Variants in MCC observed in about 807,000 individuals in gnomAD.
MCC encodes the protein MCC regulator of Wnt signaling pathway.
In MCC, 90 loss-of-function variants were observed where a neutral mutation model predicts 116.2. The ratio of observed to expected loss-of-function variants is 0.77; its 90% CI spans 0.65 to 0.92. The LOEUF is 0.92. MCC is among the 40% of genes least tolerant of loss of function. The pLI is 0.00. For missense variants in MCC, 1,516 were observed against 1,312.2 expected (o/e 1.16, Z -2.40); for synonymous variants, 578 against 510.5 (o/e 1.13, Z -1.78).
At chr5:113,407,053 T>TAATA (rs1769855925) in intron 1 of MCC, among the ~76,000 whole-genome samples, 1 of 152,208 alleles carries the variant, frequency 6.6e-6, no homozygotes, top group Non-Finnish European at 1.5e-5. Flanking sequence ...GAAGTGCTTA[T>TAATA]AATAAACTGC....
intron 1 of MCC, among the ~76,000 whole-genome samples, chr5:113,461,776 A>T (rs1300670890): frequency 6.7e-6 from 1 of 148,152 alleles, no homozygotes; most frequent in African/African-American, 2.5e-5. Flanking sequence ...AAATTCTGAC[A>T]GGTGTTTACA....
intron 3 of MCC, among the ~76,000 whole-genome samples, chr5:113,274,552 G>A (rs1765749550): frequency 6.6e-6 from 1 of 152,084 alleles, no homozygotes; most frequent in African/African-American, 2.4e-5. Context: ...GTGGAGATGG[G>A]GTTTCACCAT....
intron 14 of MCC, among the ~76,000 whole-genome samples, chr5:113,058,758 CCTCA>C (rs1380706333): frequency 6.6e-6 from 1 of 152,222 alleles, no homozygotes; most frequent in African/African-American, 2.4e-5. Flanking sequence ...AGGGTTCCTG[CCTCA>C]CTAAGTTGTG....
intron 1 of MCC, among the ~76,000 whole-genome samples, chr5:113,396,458 C>G (rs1769525787): frequency 6.8e-6 from 1 of 146,982 alleles, no homozygotes; most frequent in South Asian, 2.1e-4. Flanking sequence ...CGGTGAAACC[C>G]CATCTCTACT....
chr5:113,419,876 T>C (rs1404971850), intron 1 of MCC, among the ~76,000 whole-genome samples: 1 of 38,516 alleles, frequency 2.6e-5, no homozygotes, highest in African/African-American at 9.8e-5. Context: ...TGTTGTGGGG[T>C]GGGGGGAGGG....
At chr5:113,405,870 T>C (rs533693251) in intron 1 of MCC, among the ~76,000 whole-genome samples, 1 of 152,300 alleles carries the variant, frequency 6.6e-6, no homozygotes, top group Admixed American at 6.5e-5. Flanking sequence ...ATTAATATTA[T>C]TTCAAGTATT....
chr5:113,292,126 G>A (rs1766521171), intron 3 of MCC, among the ~76,000 whole-genome samples: 2 of 152,130 alleles, frequency 1.3e-5, no homozygotes, highest in Admixed American at 1.3e-4. Context: ...CAGCTACTCG[G>A]GAGACTGAGG....
At chr5:113,300,451 A>G (rs563021605) in intron 3 of MCC, among the ~76,000 whole-genome samples, 6 of 152,328 alleles carry the variant, frequency 3.9e-5, no homozygotes, top group Admixed American at 6.5e-5. Flanking sequence ...ACTAATTCAC[A>G]CACACGTGAA....
intron 2 of MCC, among the ~76,000 whole-genome samples, chr5:113,349,093 A>C (rs1009154589): frequency 6.6e-6 from 1 of 152,018 alleles, no homozygotes; most frequent in South Asian, 2.1e-4. Flanking sequence ...GCTGGGACCC[A>C]ATGGCTTCAC....
At chr5:113,404,300 CT>C (rs1406367730) in intron 1 of MCC, among the ~76,000 whole-genome samples, 1 of 152,194 alleles carries the variant, frequency 6.6e-6, no homozygotes, top group Non-Finnish European at 1.5e-5. Flanking sequence ...TTTCCCTCAT[CT>C]ATGAGGAAAC....
Position 113,027,369 on chromosome 5 carries a change from A to G in MCC, c.2993T>C (p.Leu998Pro). Residue 998 changes from leucine (L) to proline (P), a missense_variant, in exon 19 of 19, where the codon CTC (leucine) becomes CCC (proline). Transcript: ENST00000408903. ...CTCTAGCAGAGCTATTCTTTGCTTG[A>G]GCATCCTCACTTGGGTCTCATGTCT... ...VERHETQVRM[L>P]KQRIALLEEE... 2.5e-6 allele frequency: 4 copies of G among 1,614,160 alleles called. No individual in the cohort carries two copies. Among genetic ancestry groups the G allele is most frequent in the Non-Finnish European group, 3.4e-6 (4 of 1,180,040 alleles).
At chr5:113,468,791 G>A (rs1160000673) in intron 1 of MCC, among the ~76,000 whole-genome samples, 4 of 152,268 alleles carry the variant, frequency 2.6e-5, no homozygotes, top group Admixed American at 2.0e-4. Context: ...GGTAGAATTC[G>A]GCTGTGAATC....
At chr5:113,043,445 T>C in intron 17 of MCC, 85 bp downstream of exon 17, 2 of 1,238,880 alleles carry the variant, frequency 1.6e-6, no homozygotes, top group Admixed American at 3.9e-5. Flanking sequence ...CAGCACCTTC[T>C]CCTTTTGGGA....
At chr5:113,433,588 G>T in intron 1 of MCC, 1 of 1,053,852 alleles carries the variant, frequency 9.5e-7, no homozygotes, top group Non-Finnish European at 1.3e-6. Context: ...GAACCATGTG[G>T]GTTACCAAGT....
At chr5:113,301,091 A>G (rs1766850343) in intron 3 of MCC, among the ~76,000 whole-genome samples, 1 of 152,218 alleles carries the variant, frequency 6.6e-6, no homozygotes, top group East Asian at 1.9e-4. Flanking sequence ...CCTGGGATTC[A>G]GTGGTGTATG....
intron 1 of MCC, among the ~76,000 whole-genome samples, chr5:113,432,026 C>T (rs1314267097): frequency 6.6e-6 from 1 of 152,154 alleles, no homozygotes; most frequent in Non-Finnish European, 1.5e-5. Flanking sequence ...GTCCCAGCTA[C>T]TTGGGAGGCT....
chr5:113,241,330 G>C (rs1396715737), intron 3 of MCC, among the ~76,000 whole-genome samples: 2 of 152,198 alleles, frequency 1.3e-5, no homozygotes, highest in East Asian at 3.8e-4. Context: ...TAGCAGAGGA[G>C]TGATTTCAAC....
intron 3 of MCC, among the ~76,000 whole-genome samples, chr5:113,179,994 C>A (rs115295215): frequency 6.6e-6 from 1 of 152,128 alleles, no homozygotes; most frequent in Admixed American, 6.5e-5. Context: ...TAGCTTCAGA[C>A]GATGTGCTAA....
chr5:113,174,434 ATATT>A (rs1039246669), intron 3 of MCC, among the ~76,000 whole-genome samples: 3 of 152,140 alleles, frequency 2.0e-5, no homozygotes, highest in Admixed American at 2.0e-4. Flanking sequence ...ATTTACAAAG[ATATT>A]TATTATAGCA....
Sources: gnomAD v4.1 joint callset for allele counts (sites outside exome capture counted in the v4.1 genomes callset) on GRCh38, gnomAD v4.1.1 for gene constraint, MANE v1.5 for transcripts, NCBI Gene and HGNC (gene_info 2026-07-23, HGNC 2026-07-21) for gene names.